PAXIP1: variants seen among roughly 807,000 people sequenced by gnomAD.
The protein encoded by PAXIP1 is PAX interacting protein 1, also known as PAX-interacting protein 1.
A neutral mutation model predicts 140.6 loss-of-function variants in PAXIP1; 19 were observed. The ratio of observed to expected loss-of-function variants is 0.14; its 90% confidence interval spans 0.09 to 0.20. The LOEUF (loss-of-function observed/expected upper bound fraction) is 0.20. Among genes scored for constraint, PAXIP1 ranks in the 10% least tolerant of loss-of-function variants. PAXIP1 has a pLI of 1.00. For missense variants in PAXIP1, 920 were observed against 1,208.6 expected (o/e 0.76, Z 3.54); for synonymous variants, 442 against 444.6 (o/e 0.99, Z 0.07).
intron 3 of PAXIP1, among the ~76,000 whole-genome samples, chr7:154,992,555 A>C (rs1810389800): frequency 1.3e-5 from 2 of 151,502 alleles, no homozygotes; most frequent in Admixed American, 1.3e-4. Context: ...AGATCGTGCC[A>C]CTGGACTCCA....
chr7:154,944,217 A>C, intron 20 of PAXIP1, 53 bp from the exon 21 acceptor site: 1 of 1,535,038 alleles, frequency 6.5e-7, no homozygotes, highest in South Asian at 1.2e-5. Flanking sequence ...GAAAAACATG[A>C]AACCAAGGGT....
intron 5 of PAXIP1, among the ~76,000 whole-genome samples, chr7:154,980,932 C>G (rs1346315898): frequency 6.6e-6 from 1 of 152,042 alleles, no homozygotes; most frequent in Admixed American, 6.6e-5. Flanking sequence ...AGTTCGAGAC[C>G]AGCCTGGCCA....
intron 4 of PAXIP1, among the ~76,000 whole-genome samples, chr7:154,985,452 C>T (rs1810027173): frequency 6.6e-6 from 1 of 152,146 alleles, no homozygotes; most frequent in Non-Finnish European, 1.5e-5. Context: ...CACCTGCCGT[C>T]CTCACCACGT....
chr7:154,965,950 C>T (rs1293318935), intron 8 of PAXIP1, among the ~76,000 whole-genome samples: 4 of 152,138 alleles, frequency 2.6e-5, no homozygotes, highest in African/African-American at 7.2e-5. Flanking sequence ...GTCTCTCTTC[C>T]GGTCCCAGGT....
chr7:154,953,174 C>G (rs1319801784), intron 16 of PAXIP1, among the ~76,000 whole-genome samples: 1 of 152,152 alleles, frequency 6.6e-6, no homozygotes, highest in African/African-American at 2.4e-5. Context: ...GACCTAGTAG[C>G]GCCCCCTGCA....
At chr7:154,996,471 A>G (rs1810618818) in intron 2 of PAXIP1, among the ~76,000 whole-genome samples, 1 of 152,242 alleles carries the variant, frequency 6.6e-6, no homozygotes, top group Admixed American at 6.5e-5. Flanking sequence ...TTGTATAAGT[A>G]ATGGGTATTT....
At chr7:154,982,615 T>A (rs1321305792) in intron 5 of PAXIP1, among the ~76,000 whole-genome samples, 3 of 152,158 alleles carry the variant, frequency 2.0e-5, no homozygotes, top group African/African-American at 7.2e-5. Flanking sequence ...CCTCCCAAAG[T>A]GCTGGGATTA....
intron 7 of PAXIP1, 102 bp downstream of exon 7, chr7:154,968,301 A>G (rs903944737): frequency 2.2e-6 from 2 of 907,044 alleles, no homozygotes; most frequent in African/African-American, 1.7e-5. Flanking sequence ...TTTTGTAGTA[A>G]TTGTTTTGAT....
In PAXIP1 at chr7:154,975,523, T is replaced by TAC. The variant is rs35537788; in HGVS notation, c.1074+171_1074+172dup. 5.1e-3 allele frequency among the ~76,000 whole-genome samples: 769 copies of TAC among 150,316 alleles called. 4 individuals carry two copies. The highest frequency in any genetic ancestry group is 6.9e-3 in the Non-Finnish European group (464 of 67,468). ...ACCCTGAAATATACATATATACACATACACACACACACACACACACACACA... is the reference window on the plus strand; with the variant it reads ...ACCCTGAAATATACATATATACACATACACACACACACACACACACACACACA... On this transcript the variant is annotated intron_variant, in intron 6 of 20. Coordinates refer to ENST00000404141, the MANE Select transcript of PAXIP1 (RefSeq NM_007349.4).
intron 6 of PAXIP1, among the ~76,000 whole-genome samples, chr7:154,975,103 G>A (rs536513912): frequency 4.7e-5 from 7 of 149,236 alleles, no homozygotes; most frequent in South Asian, 4.2e-4. Context: ...GTTGCAGTGC[G>A]CAGAGATCAT....
intron 16 of PAXIP1, chr7:154,951,663 C>T (rs1442945040): frequency 6.6e-6 from 1 of 152,050 alleles, no homozygotes; most frequent in South Asian, 2.1e-4. Context: ...GCTAGTCAAC[C>T]AAAACTTCCC....
In PAXIP1 at chr7:154,986,528, C is replaced by T. The variant is rs1810083558; in HGVS notation, c.325-3196G>A. Among the ~76,000 whole-genome samples, 1 of 152,176 alleles carries T rather than the reference C, an allele frequency of 6.6e-6. No individual in the cohort carries two copies. The highest frequency in any genetic ancestry group is 1.5e-5 in the Non-Finnish European group (1 of 68,034). ...CTCCTGTCACAAAGGAAGTACCCAT[C>T]AAGGATTTGTTGGACCAAAGTCCCT... On this transcript the variant is annotated intron_variant, in intron 4 of 20. Coordinates refer to ENST00000404141, the MANE Select transcript of PAXIP1 (RefSeq NM_007349.4). The surrounding 1 kb of genome is among the most constrained non-coding windows in gnomAD (Gnocchi z 4.8).
At chr7:154,972,945 T>C (rs1359911883) in intron 6 of PAXIP1, among the ~76,000 whole-genome samples, 2 of 152,342 alleles carry the variant, frequency 1.3e-5, no homozygotes, top group African/African-American at 4.8e-5. Flanking sequence ...TCAGGACGAC[T>C]GTGTGATCGT....
intron 8 of PAXIP1, chr7:154,964,482 T>C (rs1808912519): frequency 6.6e-6 from 1 of 152,214 alleles, no homozygotes; most frequent in Non-Finnish European, 1.5e-5. Flanking sequence ...TGAATGTTTA[T>C]TTTTCCTATG....
intron 11 of PAXIP1, 128 bp downstream of exon 11, chr7:154,961,395 ACTTT>A (rs1447800872): frequency 2.9e-6 from 2 of 694,210 alleles, no homozygotes; most frequent in Non-Finnish European, 4.6e-6. Flanking sequence ...TCATTGTCAT[ACTTT>A]AACAGACTTT....
In PAXIP1 at chr7:154,998,718, T is replaced by G. The variant is rs1464613336; in HGVS notation, c.148A>C (p.Ile50Leu). 31 of 1,613,520 alleles carry G rather than the reference T, an allele frequency of 1.9e-5. No individual in the cohort carries two copies. The highest frequency in any genetic ancestry group is 2.5e-5 in the Non-Finnish European group (29 of 1,179,550). ...VSYNALASHI[I>L]SEDGDNPEVG... ...TCTGGATTGTCCCCATCCTCTGAGA[T>G]TATGTGTGAGGCTAGTGCATTGTAG... The change falls in exon 2 of 21, where the codon ATC (isoleucine) becomes CTC (leucine). Residue 50 changes from isoleucine (I) to leucine (L), a missense_variant. This residue lies in a region of PAXIP1 where 419 missense variants were observed against 514.7 expected (regional missense o/e 0.81). Transcript: ENST00000404141.
intron 4 of PAXIP1, among the ~76,000 whole-genome samples, chr7:154,989,663 G>A (rs954433597): frequency 6.6e-6 from 1 of 152,068 alleles, no homozygotes; most frequent in East Asian, 1.9e-4. Context: ...TTTCTTAGCT[G>A]GGGGTTAGAA....
At chr7:154,970,859 A>T (rs1351644057) in intron 6 of PAXIP1, among the ~76,000 whole-genome samples, 1 of 152,172 alleles carries the variant, frequency 6.6e-6, no homozygotes, top group African/African-American at 2.4e-5. Context: ...TGAATTTTTG[A>T]ATTTTGTACA....
At chr7:154,999,197 G>A (rs557134221) in intron 1 of PAXIP1, among the ~76,000 whole-genome samples, 5 of 152,222 alleles carry the variant, frequency 3.3e-5, no homozygotes, top group Non-Finnish European at 7.3e-5. Context: ...CAAGATATGT[G>A]AGCAGAACCC....
Sources: allele counts gnomAD v4.1 joint callset (sites outside exome capture counted in the v4.1 genomes callset), GRCh38; gene constraint gnomAD v4.1.1; regional missense constraint gnomAD v4.1.1; non-coding constraint Gnocchi (gnomAD v3.1); transcripts MANE v1.5; gene names NCBI Gene and HGNC (gene_info 2026-07-23, HGNC 2026-07-21).